ZNF804A: variants seen among roughly 807,000 people sequenced by gnomAD.
ZNF804A encodes the protein zinc finger protein 804A.
ZNF804A carries 2 observed loss-of-function variants against 16.5 expected under a neutral mutation model. The ratio of observed to expected loss-of-function variants is 0.12; its 90% CI spans 0.05 to 0.38. ZNF804A has a LOEUF of 0.38. Ranked by LOEUF, ZNF804A falls within the 10% of genes least tolerant of loss-of-function variation. ZNF804A has a pLI of 0.99. For missense variants in ZNF804A, 1,473 were observed against 1,390.7 expected, an observed-to-expected ratio of 1.06 and a Z score of -0.94; for synonymous variants, 534 against 489.6, an observed-to-expected ratio of 1.09 and a Z score of -1.20.
intron 1 of ZNF804A, among the ~76,000 whole-genome samples, chr2:184,824,795 C>A (rs184382696): frequency 4.1e-4 from 63 of 152,232 alleles, no homozygotes; most frequent in Non-Finnish European, 7.4e-4. Context: ...TTTCACATGT[C>A]TAGGAGCTCA....
At chr2:184,902,577 A>G (rs1400926476) in intron 2 of ZNF804A, 1 of 152,110 alleles carries the variant, frequency 6.6e-6, no homozygotes, top group African/African-American at 2.4e-5. Flanking sequence ...TTTTAGTGAA[A>G]AGGGTACTAT....
In ZNF804A at chr2:184,801,725, G is replaced by A. The variant is rs142699585; in HGVS notation, c.112-64644G>A. Among the ~76,000 whole-genome samples, 1,007 of 152,208 alleles carry A rather than the reference G, an allele frequency of 6.6e-3. 15 individuals are homozygous for A. The highest frequency in any genetic ancestry group is 0.022 in the African/African-American group (932 of 41,524). ...TTTTGTCTTTGATTACATTAACAAC[G>A]TAACAGCTATTTTAAATTCCTGTTT... On this transcript the variant is annotated intron_variant, in intron 1 of 3. Transcript: ENST00000302277.
At chr2:184,787,344 T>C (rs957957596) in intron 1 of ZNF804A, among the ~76,000 whole-genome samples, 12 of 151,966 alleles carry the variant, frequency 7.9e-5, no homozygotes, top group African/African-American at 2.9e-4. Flanking sequence ...TTTTATATAA[T>C]GGATTCTTTT....
intron 2 of ZNF804A, among the ~76,000 whole-genome samples, chr2:184,872,948 G>A (rs1695997897): frequency 6.6e-6 from 1 of 152,160 alleles, no homozygotes; most frequent in South Asian, 2.1e-4. Context: ...ATTATATTTA[G>A]AAATTTATTA....
intron 2 of ZNF804A, among the ~76,000 whole-genome samples, chr2:184,909,687 A>G (rs564181466): frequency 6.6e-6 from 1 of 152,168 alleles, no homozygotes; most frequent in African/African-American, 2.4e-5. Context: ...CAATTTTCTC[A>G]ATCTCAAATG....
intron 1 of ZNF804A, among the ~76,000 whole-genome samples, chr2:184,670,286 G>A (rs1259850207): frequency 6.6e-6 from 1 of 151,896 alleles, no homozygotes; most frequent in African/African-American, 2.4e-5. Flanking sequence ...CCAGTACATG[G>A]TTTGTATCTT....
chr2:184,912,736 C>A lies in ZNF804A; in HGVS notation c.256-20867C>A, dbSNP rs549500171. Reference sequence around the variant, plus strand: ...GCACATCGTTTCACATGCTTACTTACCATTTGTAAATTTTCTGTGGAGAAA... The same window carrying A: ...GCACATCGTTTCACATGCTTACTTAACATTTGTAAATTTTCTGTGGAGAAA... On this transcript the variant is annotated intron_variant, in intron 2 of 3. Coordinates refer to ENST00000302277, the MANE Select transcript of ZNF804A (RefSeq NM_194250.2). Among the ~76,000 whole-genome samples the A allele has an allele frequency of 2.0e-4, 30 of 152,132 alleles. 1 individual carries two copies. In the South Asian group the frequency reaches 6.2e-3, roughly 32 times the overall value.
chr2:184,919,664 C>G (rs892117039), intron 2 of ZNF804A, among the ~76,000 whole-genome samples: 1 of 152,316 alleles, frequency 6.6e-6, no homozygotes, highest in East Asian at 1.9e-4. Context: ...AAGTTTCTAA[C>G]CATCCAGCCA....
intron 1 of ZNF804A, among the ~76,000 whole-genome samples, chr2:184,743,207 G>A (rs560829823): frequency 8.2e-4 from 125 of 151,992 alleles, no homozygotes; most frequent in African/African-American, 3.0e-3. Context: ...AGTGCAATAA[G>A]CAGCATCATT....
chr2:184,598,767 A>T lies in ZNF804A; in HGVS notation c.-193A>T, dbSNP rs907258999. 2.7e-6 allele frequency: 1 copy of T among 375,864 alleles called. No homozygotes were observed. Among genetic ancestry groups the T allele is most frequent in the Non-Finnish European group, 4.7e-6 (1 of 213,908 alleles). 23.3% of individuals were successfully genotyped at this position (375,864 alleles called of 1,614,324 possible). A position where few individuals can be genotyped will look rare whatever the true frequency, so the allele number is the denominator to read the frequency against. Reference sequence around the variant, plus strand: ...AGACTGAGGGGAGAGCGCGGCGAGCATGCGGAGGCGGGGGAGCCTCGGCGC... The same window carrying T: ...AGACTGAGGGGAGAGCGCGGCGAGCTTGCGGAGGCGGGGGAGCCTCGGCGC... On this transcript the variant is annotated 5_prime_UTR_variant, in exon 1 of 4. The change abolishes an upstream ATG in the 5' untranslated region. Coordinates refer to ENST00000302277, the MANE Select transcript of ZNF804A (RefSeq NM_194250.2).
intron 1 of ZNF804A, among the ~76,000 whole-genome samples, chr2:184,831,990 A>G (rs987344412): frequency 1.3e-5 from 2 of 152,032 alleles, no homozygotes; most frequent in African/African-American, 4.8e-5. Context: ...TATAGAAAAT[A>G]AGGAGATTCA....
chr2:184,909,912 A>C (rs1300643406), intron 2 of ZNF804A, among the ~76,000 whole-genome samples: 4 of 152,108 alleles, frequency 2.6e-5, no homozygotes, highest in Non-Finnish European at 5.9e-5. Context: ...TTTTTTAAAC[A>C]AAAGAGGAAT....
Position 184,598,977 on chromosome 2 carries a change from T to C in ZNF804A, c.18T>C (p.Ile6=), listed in dbSNP as rs1283855540. 2 of 1,613,416 alleles carry C rather than the reference T, an allele frequency of 1.2e-6. No homozygotes were observed. The highest frequency in any genetic ancestry group is 1.7e-6 in the Non-Finnish European group (2 of 1,179,512). MECYY[I]VISSTHLSNG... is the part of the protein sequence containing the mutation. ...GCTGCCCCATGGAGTGTTACTACAT[T>C]GTCATCAGCTCCACGCATCTCAGCA... The change falls in exon 1 of 4, where the codon ATT becomes ATC. Residue 6 remains isoleucine (I), a synonymous_variant. Transcript: ENST00000302277.
At chr2:184,676,914 CATAA>C (rs1172994363) in intron 1 of ZNF804A, among the ~76,000 whole-genome samples, 1 of 151,698 alleles carries the variant, frequency 6.6e-6, no homozygotes, top group Non-Finnish European at 1.5e-5. Flanking sequence ...ATAGGTTCAA[CATAA>C]ATAAATTTTA....
intron 1 of ZNF804A, among the ~76,000 whole-genome samples, chr2:184,603,567 A>C (rs186139060): frequency 4.6e-4 from 70 of 152,280 alleles, no homozygotes; most frequent in Non-Finnish European, 2.4e-4. Context: ...TTCTCTTCTC[A>C]TCGAAACCCA....
At chr2:184,710,666 AT>A (rs1390403684) in intron 1 of ZNF804A, among the ~76,000 whole-genome samples, 2 of 151,276 alleles carry the variant, frequency 1.3e-5, no homozygotes, top group Non-Finnish European at 3.0e-5. Context: ...AGAACTCCTT[AT>A]TTTTTTCTCA....
intron 1 of ZNF804A, among the ~76,000 whole-genome samples, chr2:184,721,984 A>G (rs1055063693): frequency 9.2e-5 from 14 of 152,200 alleles, no homozygotes; most frequent in Middle Eastern, 3.4e-3. Context: ...AGCGAGGCAT[A>G]GAAAGACAAA....
intron 1 of ZNF804A, among the ~76,000 whole-genome samples, chr2:184,850,421 C>T (rs1341940754): frequency 1.1e-4 from 16 of 151,698 alleles, no homozygotes; most frequent in Admixed American, 7.2e-4. Context: ...AGTTAAGCAA[C>T]GAGTAGAATA....
intron 1 of ZNF804A, among the ~76,000 whole-genome samples, chr2:184,819,902 G>A (rs1695045222): frequency 6.6e-6 from 1 of 152,076 alleles, no homozygotes; most frequent in South Asian, 2.1e-4. Flanking sequence ...CCAATAATGA[G>A]TTCTGAAATT....
Sources: allele counts gnomAD v4.1 joint callset (sites outside exome capture counted in the v4.1 genomes callset), GRCh38; gene constraint gnomAD v4.1.1; transcripts MANE v1.5; gene names NCBI Gene and HGNC (gene_info 2026-07-23, HGNC 2026-07-21).